SGK1: variants seen among roughly 807,000 people sequenced by gnomAD.
The protein encoded by SGK1 is serum/glucocorticoid regulated kinase 1, also known as serine/threonine-protein kinase Sgk1.
Under a neutral mutation model 64.2 loss-of-function variants are expected in SGK1, and 26 were observed. The observed-to-expected ratio is 0.40, with a 90% CI of 0.30 to 0.56. The LOEUF is 0.56. Among genes scored for constraint, SGK1 ranks in the 20% least tolerant of loss-of-function variants. The pLI is 0.38. For synonymous variants in SGK1, 265 were observed against 239.7 expected, an observed-to-expected ratio of 1.11 and a Z score of -0.98; for missense variants, 519 against 645.6, an observed-to-expected ratio of 0.80 and a Z score of 2.12.
Position 134,174,576 on chromosome 6 carries a change from C to T in SGK1, c.372G>A (p.Lys124=), listed in dbSNP as rs753823205. Residue 124 remains lysine (K), a synonymous_variant, in exon 4 of 14, where the codon AAG becomes AAA. Coordinates refer to ENST00000367858, the MANE Select transcript of SGK1 (RefSeq NM_001143676.3). ...FWTNDDPAFM[K]QRRMGLNDFI... Reference sequence around the variant, plus strand: ...AGTCGTTCAGACCCATCCTCCTCTGCTTCATGAAAGCTGTGGATGAAGGAG... The same window carrying T: ...AGTCGTTCAGACCCATCCTCCTCTGTTTCATGAAAGCTGTGGATGAAGGAG... The T allele has an allele frequency of 6.2e-7, 1 of 1,613,826 alleles. No individual in the cohort carries two copies. The highest frequency in any genetic ancestry group is 8.5e-7 in the Non-Finnish European group (1 of 1,179,686).
intron 1 of SGK1, among the ~76,000 whole-genome samples, chr6:134,295,681 C>T (rs139899709): frequency 1.4e-5 from 2 of 146,564 alleles, no homozygotes; most frequent in East Asian, 2.0e-4. Flanking sequence ...CTAGCCTAGA[C>T]AACAGAGTGA....
chr6:134,259,520 T>A (rs1285684368), intron 2 of SGK1, among the ~76,000 whole-genome samples: 1 of 151,838 alleles, frequency 6.6e-6, no homozygotes, highest in Non-Finnish European at 1.5e-5. Flanking sequence ...GTCAGATGCC[T>A]GTAATCCCGG....
intron 3 of SGK1, among the ~76,000 whole-genome samples, chr6:134,203,055 C>A (rs553904229): frequency 3.9e-5 from 6 of 152,068 alleles, no homozygotes; most frequent in Non-Finnish European, 8.8e-5. Flanking sequence ...GCCAGCCTGG[C>A]CAACATACTG....
chr6:134,297,753 G>T, intron 1 of SGK1: 1 of 483,980 alleles, frequency 2.1e-6, no homozygotes, highest in Non-Finnish European at 3.8e-6. Context: ...AGCCTGCCTC[G>T]GCCTCCCAAA....
chr6:134,177,075 G>A (rs1473092730), intron 3 of SGK1, among the ~76,000 whole-genome samples: 1 of 152,146 alleles, frequency 6.6e-6, no homozygotes. Flanking sequence ...TTAGCCAGGC[G>A]TGGTGGCGTG....
chr6:134,261,762 T>G, intron 2 of SGK1, 171 bp downstream of exon 2: 1 of 640,666 alleles, frequency 1.6e-6, no homozygotes, highest in Non-Finnish European at 2.7e-6. Flanking sequence ...AAGCCTACTT[T>G]AAAAAAATAA....
At chr6:134,271,596 CT>C (rs1776941049) in intron 1 of SGK1, among the ~76,000 whole-genome samples, 1 of 147,440 alleles carries the variant, frequency 6.8e-6, no homozygotes, top group Non-Finnish European at 1.5e-5. Context: ...AAGAAATCCC[CT>C]TTTCCAGTGT....
At chr6:134,211,407 C>T (rs1159680674) in intron 2 of SGK1, 8 of 152,344 alleles carry the variant, frequency 5.3e-5, no homozygotes, top group South Asian at 2.1e-4. Context: ...GGCCTCTTGC[C>T]TCTTTGCCTC....
In SGK1 at chr6:134,172,320, TA is replaced by T. The variant is rs747061027; in HGVS notation, c.948-5del. The T allele has an allele frequency of 6.2e-7, 1 of 1,607,148 alleles. No homozygotes were observed. Among genetic ancestry groups the T allele is most frequent in the Admixed American group, 1.7e-5 (1 of 57,826 alleles). ...AATATTCTCTGGTTTTAAGTCTCTG[TA>T]AAAAAGTGAATAGAAAAGTAGTTGC... is the stretch of plus-strand genomic sequence containing the variant. On this transcript the variant is annotated splice_region_variant and splice_polypyrimidine_tract_variant and intron_variant, in intron 9 of 13. Transcript: ENST00000367858.
chr6:134,302,698 A>G (rs1244778283), intron 1 of SGK1, among the ~76,000 whole-genome samples: 1 of 152,118 alleles, frequency 6.6e-6, no homozygotes, highest in Non-Finnish European at 1.5e-5. Context: ...AATACTTTAC[A>G]TGCGTTAGGT....
At chr6:134,177,600 C>T (rs975980525) in intron 3 of SGK1, 6 of 1,337,916 alleles carry the variant, frequency 4.5e-6, no homozygotes, top group Non-Finnish European at 5.3e-6. Context: ...ATGTGCCTTC[C>T]CCATGCCAAG....
chr6:134,208,214 C>G (rs1775825486), intron 2 of SGK1, among the ~76,000 whole-genome samples: 1 of 151,962 alleles, frequency 6.6e-6, no homozygotes, highest in South Asian at 2.1e-4. Context: ...ACCTGGCCTG[C>G]ATTCTTATTT....
chr6:134,185,904 A>G (rs1775414916), intron 3 of SGK1, among the ~76,000 whole-genome samples: 1 of 152,072 alleles, frequency 6.6e-6, no homozygotes, highest in Non-Finnish European at 1.5e-5. Flanking sequence ...CAGGAGAGTG[A>G]GTGACCTACC....
At chr6:134,296,883 G>A (rs1777358082) in intron 1 of SGK1, 3 of 293,962 alleles carry the variant, frequency 1.0e-5, no homozygotes, top group Non-Finnish European at 2.0e-5. Flanking sequence ...TGAGGGCTAG[G>A]ACTGAGCCTC....
chr6:134,309,964 A>T lies in SGK1; in HGVS notation c.69+7428T>A, dbSNP rs535031419. On this transcript the variant is annotated intron_variant, in intron 1 of 13. Coordinates refer to ENST00000367858, the MANE Select transcript of SGK1 (RefSeq NM_001143676.3). Reference sequence around the variant, plus strand: ...GCTCTAGCGAACTATCTTTAGCTTGACCTAAATTACTAATTAAACTTTTCT... The same window carrying T: ...GCTCTAGCGAACTATCTTTAGCTTGTCCTAAATTACTAATTAAACTTTTCT... Among the ~76,000 whole-genome samples the T allele has an allele frequency of 2.0e-5, 3 of 152,276 alleles. No homozygotes were observed. In the East Asian group the frequency reaches 5.8e-4, roughly 29 times the overall value.
chr6:134,171,958 T>C, intron 10 of SGK1: 2 of 637,868 alleles, frequency 3.1e-6, no homozygotes. Context: ...ACTTAGGGAT[T>C]TAGAAAGTTT....
At chr6:134,224,584 T>C (rs1046384362) in intron 2 of SGK1, among the ~76,000 whole-genome samples, 9 of 152,224 alleles carry the variant, frequency 5.9e-5, no homozygotes, top group Admixed American at 2.0e-4. Context: ...AGCTTTATTT[T>C]TGCCTTTTCT....
At chr6:134,291,425 C>T (rs1002784657) in intron 1 of SGK1, among the ~76,000 whole-genome samples, 4 of 152,196 alleles carry the variant, frequency 2.6e-5, no homozygotes, top group African/African-American at 9.7e-5. Context: ...TACGAGAAAT[C>T]CAAAGAGAGA....
Position 134,254,185 on chromosome 6 carries a change from A to G in SGK1, c.285+7748T>C, listed in dbSNP as rs554822486. Among the ~76,000 whole-genome samples the G allele has an allele frequency of 2.0e-4, 30 of 152,150 alleles. 1 individual carries two copies. In the East Asian group the frequency reaches 5.6e-3, roughly 28 times the overall value. On this transcript the variant is annotated intron_variant, in intron 2 of 13. Coordinates refer to ENST00000367858, the MANE Select transcript of SGK1 (RefSeq NM_001143676.3). The stretch of plus-strand genomic sequence containing the variant: ...ATTTTAGCTAATAAAGGCAAAAAGA[A>G]AAAAGAGCACACTAACTTTAGCACA...
Sources: allele counts gnomAD v4.1 joint callset (sites outside exome capture counted in the v4.1 genomes callset), GRCh38; gene constraint gnomAD v4.1.1; transcripts MANE v1.5; gene names NCBI Gene and HGNC (gene_info 2026-07-23, HGNC 2026-07-21).